CNTLN: variants seen among roughly 807,000 people sequenced by gnomAD.
CNTLN encodes the protein centlein, also known as centlein, centrosomal protein.
CNTLN carries 212 observed loss-of-function variants against 180.0 expected under a neutral mutation model. The ratio of observed to expected loss-of-function variants is 1.18; its 90% CI spans 1.05 to 1.32. The LOEUF (loss-of-function observed/expected upper bound fraction) is 1.32, where lower values mean the gene tolerates loss of function less well. Ranked by LOEUF, CNTLN falls within the 40% of genes most tolerant of loss-of-function variation. The pLI, the probability that CNTLN is intolerant of heterozygous loss-of-function variation, is 0.00. For synonymous variants in CNTLN, 722 were observed against 563.1 expected (o/e 1.28, Z -3.99); for missense variants, 2,095 against 1,610.9 (o/e 1.30, Z -5.14).
At chr9:17,182,516 C>A (rs759753033) in intron 2 of CNTLN, among the ~76,000 whole-genome samples, 44 of 152,178 alleles carry the variant, frequency 2.9e-4, no homozygotes, top group Non-Finnish European at 4.9e-4. Context: ...CAGGAAAATA[C>A]TTCTAATCCA....
chr9:17,509,061 CT>C, the CNTLN span, among the ~76,000 whole-genome samples: 2 of 152,214 alleles, frequency 1.3e-5, no homozygotes, highest in Admixed American at 6.5e-5. Flanking sequence ...ACGTCAGCTT[CT>C]TTCTCCAACC....
intron 12 of CNTLN, among the ~76,000 whole-genome samples, chr9:17,353,145 G>A (rs539644789): frequency 3.9e-5 from 6 of 152,030 alleles, no homozygotes; most frequent in African/African-American, 7.2e-5. Flanking sequence ...TTGTAGGGTC[G>A]GGGTCTCACT....
chr9:17,515,252 C>T, the CNTLN span, among the ~76,000 whole-genome samples: 1 of 152,170 alleles, frequency 6.6e-6, no homozygotes, highest in African/African-American at 2.4e-5. Flanking sequence ...TCTTTTAACT[C>T]ATTGGCTACT....
chr9:17,468,604 G>A (rs1192767423), intron 23 of CNTLN, among the ~76,000 whole-genome samples: 7 of 151,448 alleles, frequency 4.6e-5, no homozygotes, highest in East Asian at 1.9e-4. Flanking sequence ...TTCTTTGAAT[G>A]TGGCACTTTA....
At chr9:17,199,143 C>G (rs1470504109) in intron 2 of CNTLN, among the ~76,000 whole-genome samples, 2 of 151,624 alleles carry the variant, frequency 1.3e-5, no homozygotes, top group East Asian at 3.9e-4. Flanking sequence ...TATACTGCCA[C>G]CAACAGTATA....
intron 7 of CNTLN, among the ~76,000 whole-genome samples, chr9:17,306,831 C>T (rs140070568): frequency 3.1e-4 from 47 of 152,234 alleles, no homozygotes; most frequent in Non-Finnish European, 5.1e-4. Flanking sequence ...GTAAATAATG[C>T]ACCCGAGATT....
intron 5 of CNTLN, among the ~76,000 whole-genome samples, chr9:17,263,220 G>C (rs1027512809): frequency 8.9e-5 from 11 of 123,814 alleles, no homozygotes; most frequent in Non-Finnish European, 1.7e-4. Context: ...AGTCCCCGGA[G>C]TGTGATGTTC....
chr9:17,301,486 C>T (rs184068960), intron 7 of CNTLN: 1 of 985,114 alleles, frequency 1.0e-6, no homozygotes, highest in East Asian at 1.1e-4. Context: ...TGTTTTTTGT[C>T]ATTTCTTTCT....
the CNTLN span, among the ~76,000 whole-genome samples, chr9:17,525,335 A>G: frequency 6.6e-6 from 1 of 152,160 alleles, no homozygotes; most frequent in Non-Finnish European, 1.5e-5. Flanking sequence ...AAGTCACTAA[A>G]TTATGTTTCT....
At chr9:17,224,960 C>T (rs745883555) in intron 2 of CNTLN, among the ~76,000 whole-genome samples, 22 of 151,832 alleles carry the variant, frequency 1.4e-4, no homozygotes, top group African/African-American at 1.2e-4. Flanking sequence ...ACTTCCTCCT[C>T]TTTCTCCACC....
intron 16 of CNTLN, among the ~76,000 whole-genome samples, chr9:17,414,825 C>A (rs2593387): frequency 0.47 from 71,320 of 152,054 alleles, 18,913 homozygotes; most frequent in Non-Finnish European, 0.6. Context: ...CACTGTGGCT[C>A]ACGCCCATAA....
At chr9:17,251,421 C>CT (rs1306803364) in intron 5 of CNTLN, among the ~76,000 whole-genome samples, 2 of 151,708 alleles carry the variant, frequency 1.3e-5, no homozygotes, top group African/African-American at 4.8e-5. Flanking sequence ...CCACTGATCA[C>CT]TTTTTTTCTT....
chr9:17,267,479 CTTCAT>C (rs1827565785), intron 5 of CNTLN, among the ~76,000 whole-genome samples: 1 of 152,050 alleles, frequency 6.6e-6, no homozygotes, highest in Non-Finnish European at 1.5e-5. Context: ...ACATTTTTTC[CTTCAT>C]TTCAACTTTG....
chr9:17,505,457 A>C (rs1162016898), downstream of CNTLN, among the ~76,000 whole-genome samples: 1 of 152,146 alleles, frequency 6.6e-6, no homozygotes, highest in African/African-American at 2.4e-5. Flanking sequence ...CAAAATCAAC[A>C]TGGAAAGATT....
chr9:17,273,810 G>C lies in CNTLN; in HGVS notation c.927G>C (p.Gln309His). 1 of 1,575,380 alleles carries C rather than the reference G, an allele frequency of 6.3e-7. No individual in the cohort carries two copies. Among genetic ancestry groups the C allele is most frequent in the Non-Finnish European group, 8.6e-7 (1 of 1,163,514 alleles). Reference protein sequence around the residue: ...SQSKYNALSLQLSNKQTELIQ... With the variant: ...SQSKYNALSLHLSNKQTELIQ... ...GTAAATACAATGCTCTATCATTACA[G>C]TTGAGTAATAAACAGACTGAACTTA... Residue 309 changes from glutamine (Q) to histidine (H), a missense_variant, in exon 6 of 26, where the codon CAG becomes CAC. Coordinates refer to ENST00000380647, the MANE Select transcript of CNTLN (RefSeq NM_017738.4).
chr9:17,292,029 A>T (rs1287177994), intron 6 of CNTLN, among the ~76,000 whole-genome samples: 1 of 152,180 alleles, frequency 6.6e-6, no homozygotes, highest in Non-Finnish European at 1.5e-5. Flanking sequence ...GCTTCTCTGA[A>T]AAGTATTTTA....
At chr9:17,254,711 A>T (rs1826365542) in intron 5 of CNTLN, among the ~76,000 whole-genome samples, 1 of 144,868 alleles carries the variant, frequency 6.9e-6, no homozygotes, top group Admixed American at 6.9e-5. Flanking sequence ...TACATTTTGA[A>T]ATGAAGAAAT....
intron 5 of CNTLN, among the ~76,000 whole-genome samples, chr9:17,256,661 C>T (rs936040101): frequency 3.3e-5 from 5 of 151,412 alleles, no homozygotes; most frequent in East Asian, 3.9e-4. Flanking sequence ...TCAAATGAGC[C>T]GATCTGGGGA....
intron 11 of CNTLN, 56 bp downstream of exon 11, chr9:17,341,004 C>T: frequency 6.7e-7 from 1 of 1,491,158 alleles, no homozygotes; most frequent in Non-Finnish European, 9.0e-7. Flanking sequence ...AATGGAGTAG[C>T]ATTATATAGG....
Sources: allele counts gnomAD v4.1 joint callset (sites outside exome capture counted in the v4.1 genomes callset), GRCh38; gene constraint gnomAD v4.1.1; transcripts MANE v1.5; gene names NCBI Gene and HGNC (gene_info 2026-07-23, HGNC 2026-07-21).